Variants in DSCAML1 observed in about 807,000 individuals in gnomAD.
DSCAML1 encodes the protein cell adhesion molecule DSCAML1.
A neutral mutation model predicts 200.5 loss-of-function variants in DSCAML1; 38 were observed. The ratio of observed to expected loss-of-function variants is 0.19; its 90% CI spans 0.15 to 0.25. DSCAML1 has a LOEUF of 0.25. DSCAML1 is among the 10% of genes least tolerant of loss of function. The pLI is 1.00. For missense variants in DSCAML1, 2,223 were observed against 2,858.8 expected (o/e 0.78, Z 5.07); for synonymous variants, 1,215 against 1,165.0 (o/e 1.04, Z -0.87).
chr11:117,719,828 CG>C (rs2054014303), intron 3 of DSCAML1, among the ~76,000 whole-genome samples: 1 of 152,126 alleles, frequency 6.6e-6, no homozygotes, highest in Non-Finnish European at 1.5e-5. Flanking sequence ...AAGGTCCAGG[CG>C]GGCAGAGCTC....
rs1159839098 is a variant in DSCAML1, at chr11:117,489,101, C to T, written c.2360-6939G>A. 3.3e-5 allele frequency among the ~76,000 whole-genome samples: 5 copies of T among 152,230 alleles called. No individual in the cohort carries two copies. The highest frequency in any genetic ancestry group is 7.3e-5 in the Non-Finnish European group (5 of 68,046). On this transcript the variant is annotated intron_variant, in intron 11 of 32. Transcript: ENST00000651296. This position sits in a 1 kb window ranked among gnomAD's most constrained non-coding sequence, Gnocchi z 4.8. ...CTTCCAGAAAGTGTTTCTTCCACCT[C>T]TAAGGGGGCTGGCCACCTCTAGCCA...
chr11:117,552,616 G>T (rs2050488553), intron 3 of DSCAML1, among the ~76,000 whole-genome samples: 1 of 152,156 alleles, frequency 6.6e-6, no homozygotes, highest in Admixed American at 6.5e-5. Flanking sequence ...GGTCCTTGTG[G>T]GGATGAAAAG....
At chr11:117,471,057 G>C (rs1309228907) in intron 15 of DSCAML1, among the ~76,000 whole-genome samples, 2 of 152,198 alleles carry the variant, frequency 1.3e-5, no homozygotes, top group African/African-American at 4.8e-5. Flanking sequence ...TGACCAGAAA[G>C]GGGTACATGG....
At chr11:117,728,438 CA>C (rs1207813330) in intron 3 of DSCAML1, among the ~76,000 whole-genome samples, 1 of 151,924 alleles carries the variant, frequency 6.6e-6, no homozygotes, top group Non-Finnish European at 1.5e-5. Flanking sequence ...CTCACCGGGG[CA>C]ATTAGGCAAG....
intron 3 of DSCAML1, among the ~76,000 whole-genome samples, chr11:117,624,573 G>GA (rs2052004336): frequency 6.6e-6 from 1 of 151,954 alleles, no homozygotes; most frequent in Non-Finnish European, 1.5e-5. Context: ...CCTTTATTAT[G>GA]ATAGGCACTC....
intron 8 of DSCAML1, among the ~76,000 whole-genome samples, chr11:117,509,565 A>G (rs998110914): frequency 1.3e-5 from 2 of 152,156 alleles, no homozygotes; most frequent in African/African-American, 2.4e-5. Flanking sequence ...CATCCGGTCA[A>G]TACACACACC....
At chr11:117,570,987 A>T (rs534885827) in intron 3 of DSCAML1, among the ~76,000 whole-genome samples, 15 of 152,374 alleles carry the variant, frequency 9.8e-5, no homozygotes, top group African/African-American at 3.6e-4. Flanking sequence ...CTGAGGGTAG[A>T]TGCTAAGCTT....
chr11:117,439,094 T>A, intron 23 of DSCAML1, 111 bp from the exon 24 acceptor site: 1 of 1,328,266 alleles, frequency 7.5e-7, no homozygotes, highest in South Asian at 1.4e-5. Flanking sequence ...TCACTCCCAC[T>A]CCCACTCCCC....
At chr11:117,599,773 G>A (rs746106238) in intron 3 of DSCAML1, among the ~76,000 whole-genome samples, 4 of 152,206 alleles carry the variant, frequency 2.6e-5, no homozygotes, top group Non-Finnish European at 5.9e-5. Context: ...GGCATACAGT[G>A]CACAGAGATG....
chr11:117,584,222 G>C (rs944214683), intron 3 of DSCAML1, among the ~76,000 whole-genome samples: 3 of 152,308 alleles, frequency 2.0e-5, no homozygotes, highest in Admixed American at 1.3e-4. Context: ...TAGCCCCAAG[G>C]GGCAGGGACG....
chr11:117,432,116 C>T lies in DSCAML1; in HGVS notation c.5179+236G>A, dbSNP rs115644835. Among the ~76,000 whole-genome samples, 1,141 of 152,282 alleles carry T rather than the reference C, an allele frequency of 7.5e-3. 8 individuals are homozygous for T. Among genetic ancestry groups the T allele is most frequent in the African/African-American group, 0.026 (1,100 of 41,550 alleles). ...GGAGAACACGAATACCCAATACTCTCAAAATTTCTAGGTAAGGAAACAGGC... is the reference window on the plus strand; with the variant it reads ...GGAGAACACGAATACCCAATACTCTTAAAATTTCTAGGTAAGGAAACAGGC... On this transcript the variant is annotated intron_variant, in intron 30 of 32. Transcript: ENST00000651296.
intron 19 of DSCAML1, among the ~76,000 whole-genome samples, chr11:117,453,042 C>T (rs2048309335): frequency 6.6e-6 from 1 of 152,188 alleles, no homozygotes; most frequent in Admixed American, 6.5e-5. Flanking sequence ...TCCAGCAATT[C>T]TCCTGCCTCA....
intron 3 of DSCAML1, among the ~76,000 whole-genome samples, chr11:117,620,332 C>G (rs1455600274): frequency 6.6e-6 from 1 of 152,140 alleles, no homozygotes; most frequent in Non-Finnish European, 1.5e-5. Flanking sequence ...CCTACCAGTA[C>G]CTGTAAACAC....
In DSCAML1 at chr11:117,437,858, C is replaced by A; in HGVS notation, c.4432+37G>T. 6.4e-7 allele frequency: 1 copy of A among 1,564,918 alleles called. No individual in the cohort carries two copies. The stretch of plus-strand genomic sequence containing the variant: ...CCCTCTAGCCCACCCTCCCTGGGCC[C>A]ATCGCTCCTTCCCTGCCCCAGTGGC... On this transcript the variant is annotated intron_variant, in intron 25 of 32. Coordinates refer to ENST00000651296, the MANE Select transcript of DSCAML1 (RefSeq NM_020693.4). This position sits in a 1 kb window ranked among gnomAD's most constrained non-coding sequence, Gnocchi z 5.3.
At chr11:117,778,756 C>T (rs543962311) in intron 2 of DSCAML1, among the ~76,000 whole-genome samples, 5 of 152,326 alleles carry the variant, frequency 3.3e-5, no homozygotes, top group Admixed American at 1.3e-4. Context: ...GGTCCCTTCC[C>T]CTTAGCCCAA....
intron 3 of DSCAML1, among the ~76,000 whole-genome samples, chr11:117,540,289 A>C (rs2050243957): frequency 6.6e-6 from 1 of 152,202 alleles, no homozygotes; most frequent in African/African-American, 2.4e-5. Flanking sequence ...AGATTCTCAC[A>C]GGAGTGCGAA....
intron 3 of DSCAML1, among the ~76,000 whole-genome samples, chr11:117,565,516 A>T (rs970939447): frequency 6.6e-6 from 1 of 152,124 alleles, no homozygotes; most frequent in African/African-American, 2.4e-5. Flanking sequence ...GTTTATTATG[A>T]CTCATTGTCT....
chr11:117,543,214 T>C (rs2050303841), intron 3 of DSCAML1, among the ~76,000 whole-genome samples: 1 of 152,218 alleles, frequency 6.6e-6, no homozygotes, highest in Non-Finnish European at 1.5e-5. Context: ...AATCCTGCCA[T>C]GATCAGTTGC....
At chr11:117,568,292 C>T (rs1021302396) in intron 3 of DSCAML1, among the ~76,000 whole-genome samples, 8 of 152,042 alleles carry the variant, frequency 5.3e-5, no homozygotes, top group African/African-American at 1.9e-4. Flanking sequence ...AAACTGGAAG[C>T]ATTCCCTTTG....
Sources: gnomAD v4.1 joint callset for allele counts (sites outside exome capture counted in the v4.1 genomes callset) on GRCh38, gnomAD v4.1.1 for gene constraint, Gnocchi (gnomAD v3.1) non-coding constraint, MANE v1.5 for transcripts, NCBI Gene and HGNC (gene_info 2026-07-23, HGNC 2026-07-21) for gene names.